Variants in TRDN observed in about 807,000 individuals in gnomAD.
TRDN encodes triadin in skeletal muscle.
Under a neutral mutation model 149.7 loss-of-function variants are expected in TRDN, and 161 were observed. The observed-to-expected ratio is 1.08, with a 90% CI of 0.95 to 1.23. The LOEUF (loss-of-function observed/expected upper bound fraction) is 1.23, where lower values mean the gene tolerates loss of function less well. Among genes scored for constraint, TRDN ranks in the 50% most tolerant of loss-of-function variants. The pLI is 0.00. For missense variants in TRDN, 896 were observed against 823.5 expected (o/e 1.09, Z -1.08); for synonymous variants, 294 against 250.5 (o/e 1.17, Z -1.64).
At chr6:123,615,818 G>T (rs185305413) in intron 1 of TRDN, among the ~76,000 whole-genome samples, 31 of 152,226 alleles carry the variant, frequency 2.0e-4, no homozygotes, top group Middle Eastern at 3.4e-3. Context: ...GGAGGAATAA[G>T]TTCTACTGTC....
chr6:123,315,434 TAAAC>T (rs1312545430), intron 24 of TRDN, among the ~76,000 whole-genome samples: 1 of 151,884 alleles, frequency 6.6e-6, no homozygotes, highest in African/African-American at 2.4e-5. Context: ...AATAAGAAAA[TAAAC>T]AATTTATTTT....
At chr6:123,311,409 C>T (rs1778814383) in intron 24 of TRDN, among the ~76,000 whole-genome samples, 1 of 151,922 alleles carries the variant, frequency 6.6e-6, no homozygotes, top group African/African-American at 2.4e-5. Flanking sequence ...AGAGCCAAGC[C>T]ATTTCAGAAA....
chr6:123,466,797 C>A (rs1776847037), intron 9 of TRDN, among the ~76,000 whole-genome samples: 1 of 151,968 alleles, frequency 6.6e-6, no homozygotes. Flanking sequence ...AAATATACAT[C>A]AATTGTTTCT....
In TRDN at chr6:123,511,170, T is replaced by C. The variant is rs1779166646; in HGVS notation, c.610+1133A>G. Among the ~76,000 whole-genome samples, 4 of 152,162 alleles carry C rather than the reference T, an allele frequency of 2.6e-5. 1 individual carries two copies. In the South Asian group the frequency reaches 8.3e-4, roughly 31 times the overall value. On this transcript the variant is annotated intron_variant, in intron 7 of 40. Coordinates refer to ENST00000334268, the MANE Select transcript of TRDN (RefSeq NM_006073.4). ...TTTGATTTTTGTATATGGTGAGAGA[T>C]AGAGGTCTAGTTTCATTCTTCTACA... is the stretch of plus-strand genomic sequence containing the variant.
At chr6:123,316,362 A>G in intron 24 of TRDN, 95 bp downstream of exon 24, 1 of 1,222,454 alleles carries the variant, frequency 8.2e-7, no homozygotes, top group Non-Finnish European at 1.2e-6. Context: ...ATGTCTAAAT[A>G]TTTTATCCAG....
Position 123,278,362 on chromosome 6 carries a change from GA to G in TRDN, c.1538-16del. The G allele has an allele frequency of 7.9e-7, 1 of 1,264,896 alleles. No homozygotes were observed. Among genetic ancestry groups the G allele is most frequent in the Non-Finnish European group, 1.1e-6 (1 of 934,120 alleles). 78.4% of individuals were successfully genotyped at this position (1,264,896 alleles called of 1,614,324 possible). ...TCCTTGTAGTTCTAAAAATATAGATGAACATTAGTAACAATGATTATAGAAA... is the reference window on the plus strand; with the variant it reads ...TCCTTGTAGTTCTAAAAATATAGATGACATTAGTAACAATGATTATAGAAA... On this transcript the variant is annotated splice_polypyrimidine_tract_variant and intron_variant, in intron 25 of 40. Coordinates refer to ENST00000334268, the MANE Select transcript of TRDN (RefSeq NM_006073.4).
chr6:123,553,694 T>A (rs942459646), intron 2 of TRDN, among the ~76,000 whole-genome samples: 2 of 152,140 alleles, frequency 1.3e-5, no homozygotes, highest in Admixed American at 6.6e-5. Flanking sequence ...TCTTACATGG[T>A]GGCCAGCAAA....
intron 10 of TRDN, among the ~76,000 whole-genome samples, chr6:123,461,407 G>A (rs915828895): frequency 3.3e-5 from 5 of 151,974 alleles, no homozygotes; most frequent in Admixed American, 6.6e-5. Context: ...TTCTCTATTC[G>A]ACTTCATTCA....
intron 9 of TRDN, among the ~76,000 whole-genome samples, chr6:123,485,633 AC>A (rs1202085700): frequency 6.6e-6 from 1 of 152,140 alleles, no homozygotes; most frequent in African/African-American, 2.4e-5. Context: ...ATATATGGGA[AC>A]CACCATCCAC....
chr6:123,510,789 G>C (rs1183516994), intron 7 of TRDN, among the ~76,000 whole-genome samples: 1 of 151,922 alleles, frequency 6.6e-6, no homozygotes, highest in African/African-American at 2.4e-5. Context: ...GATTACAAGT[G>C]TGTGCCACCA....
Position 123,438,080 on chromosome 6 carries a change from A to G in TRDN, c.1034T>C (p.Ile345Thr), listed in dbSNP as rs1459890032. Residue 345 changes from isoleucine to threonine, a missense_variant, in exon 12 of 41, where the codon ATT becomes ACT. Transcript: ENST00000334268. ...TGCAATACCTTTTTTTTCCACATCA[A>G]TGGCAGTTTCCTTCTCACTTTTCTT... ...IKKKSEKETA[I>T]DVEKKEPGKA... The G allele has an allele frequency of 5.0e-6, 8 of 1,595,442 alleles. No homozygotes were observed. The highest frequency in any genetic ancestry group is 1.7e-4 in the Middle Eastern group (1 of 5,978).
At chr6:123,303,187 C>T (rs927264144) in intron 24 of TRDN, among the ~76,000 whole-genome samples, 2 of 152,138 alleles carry the variant, frequency 1.3e-5, no homozygotes, top group African/African-American at 2.4e-5. Flanking sequence ...CCTTCCTCTA[C>T]ATCTTTCTGT....
intron 27 of TRDN, 143 bp downstream of exon 27, chr6:123,274,498 T>C (rs966576153): frequency 1.6e-6 from 1 of 633,472 alleles, no homozygotes. Context: ...TATAAAATCA[T>C]GTTGAGCAAT....
At chr6:123,379,801 A>C (rs921831809) in intron 16 of TRDN, among the ~76,000 whole-genome samples, 5 of 152,128 alleles carry the variant, frequency 3.3e-5, no homozygotes, top group Non-Finnish European at 5.9e-5. Context: ...TCTTTCTTTT[A>C]CTTTTTATTT....
intron 24 of TRDN, among the ~76,000 whole-genome samples, chr6:123,301,770 C>CATATATATATATATACACATAT (rs1562252279): frequency 1.7e-5 from 1 of 57,834 alleles, no homozygotes; most frequent in African/African-American, 3.8e-5. Context: ...TATATATATA[C>CATATATATATATATACACATAT]ATATATATAT....
intron 38 of TRDN, among the ~76,000 whole-genome samples, chr6:123,227,410 G>A (rs957954169): frequency 1.3e-5 from 2 of 151,962 alleles, no homozygotes; most frequent in African/African-American, 4.8e-5. Flanking sequence ...GAAGTCCCTA[G>A]GGGACACTGA....
intron 10 of TRDN, among the ~76,000 whole-genome samples, chr6:123,449,779 A>G (rs1193145466): frequency 6.6e-6 from 1 of 152,174 alleles, no homozygotes; most frequent in African/African-American, 2.4e-5. Context: ...AGGTTATCCA[A>G]AGTTAAGATG....
rs530933231 is a variant in TRDN at position 123,559,513 on chromosome 6, T to C, written c.233-10901A>G. On this transcript the variant is annotated intron_variant, in intron 2 of 40. Coordinates refer to ENST00000334268, the MANE Select transcript of TRDN (RefSeq NM_006073.4). ...GTGCTCCTCTTGTATTCCCCCCACT[T>C]AACCCACAAGAATAAGATACCTCTA... Among the ~76,000 whole-genome samples the C allele has an allele frequency of 1.1e-3, 171 of 152,078 alleles. 2 individuals are homozygous for C. The highest frequency in any genetic ancestry group is 2.7e-3 in the South Asian group (13 of 4,804).
chr6:123,501,500 A>G (rs1018439859), intron 8 of TRDN, among the ~76,000 whole-genome samples: 9 of 151,636 alleles, frequency 5.9e-5, no homozygotes, highest in Non-Finnish European at 7.4e-5. Flanking sequence ...TATCTTGCTT[A>G]GCTAAAATCA....
Sources: gnomAD v4.1 joint callset for allele counts (sites outside exome capture counted in the v4.1 genomes callset) on GRCh38, gnomAD v4.1.1 for gene constraint, MANE v1.5 for transcripts, NCBI Gene and HGNC (gene_info 2026-07-23, HGNC 2026-07-21) for gene names.